Variants in CDPF1 observed in about 807,000 individuals in gnomAD.
The protein encoded by CDPF1 is cysteine-rich DPF motif domain-containing protein 1.
A neutral mutation model predicts 8.3 loss-of-function variants in CDPF1; 8 were observed. That is an observed-to-expected ratio of 0.96 (90% CI 0.57 to 1.74). The LOEUF is 1.74. Among genes scored for constraint, CDPF1 ranks in the 40% most tolerant of loss-of-function variants. CDPF1 has a pLI of 0.00. For synonymous variants in CDPF1, 62 were observed against 62.9 expected, an observed-to-expected ratio of 0.99 and a Z score of 0.07; for missense variants, 151 against 155.3, an observed-to-expected ratio of 0.97 and a Z score of 0.15.
Position 46,249,219 on chromosome 22 carries a change from T to C in CDPF1, c.1-935A>G, listed in dbSNP as rs1433074315. Reference sequence around the variant, plus strand: ...TGGAATCAAGTACGACATTATCAGCTGGCCCCTAGCTCTTGGCTGTGACCT... The same window carrying C: ...TGGAATCAAGTACGACATTATCAGCCGGCCCCTAGCTCTTGGCTGTGACCT... On this transcript the variant is annotated intron_variant, in intron 1 of 3. Coordinates refer to ENST00000314567, the MANE Select transcript of CDPF1 (RefSeq NM_207327.5). This position sits in a 1 kb window ranked among gnomAD's most constrained non-coding sequence, Gnocchi z 4.6. Among the ~76,000 whole-genome samples the C allele has an allele frequency of 6.6e-6, 1 of 152,184 alleles. No individual in the cohort carries two copies. Among genetic ancestry groups the C allele is most frequent in the Non-Finnish European group, 1.5e-5 (1 of 68,036 alleles).
chr22:46,244,720 G>A lies in CDPF1; in HGVS notation c.*372C>T. On this transcript the variant is annotated 3_prime_UTR_variant, in exon 4 of 4. Transcript: ENST00000314567. The surrounding 1 kb of genome is among the most constrained non-coding windows in gnomAD (Gnocchi z 6.7). ...TACAGTGCACCATGGCCCCGACACAGTGTGGCATCTCCCCCCACACGCACC... is the reference window on the plus strand; with the variant it reads ...TACAGTGCACCATGGCCCCGACACAATGTGGCATCTCCCCCCACACGCACC... 4.2e-6 allele frequency: 1 copy of A among 236,864 alleles called. No individual in the cohort carries two copies. Among genetic ancestry groups the A allele is most frequent in the South Asian group, 6.4e-5 (1 of 15,582 alleles). The allele number at this position is 236,864 out of a possible 1,614,324, so 14.7% of individuals were successfully genotyped here.
In CDPF1 at chr22:46,246,864, A is replaced by G; in HGVS notation, c.225+246T>C. The G allele has an allele frequency of 6.5e-7, 1 of 1,532,570 alleles. No individual in the cohort carries two copies. Among genetic ancestry groups the G allele is most frequent in the South Asian group, 1.2e-5 (1 of 81,754 alleles). 94.9% of individuals were successfully genotyped at this position (1,532,570 alleles called of 1,614,324 possible). ...TGTCTGCACTGTTGGTGGGAAGGGG[A>G]GGAACCCTGAGGGGCCACTGGGGTG... On this transcript the variant is annotated intron_variant, in intron 3 of 3. Transcript: ENST00000314567. This position sits in a 1 kb window ranked among gnomAD's most constrained non-coding sequence, Gnocchi z 7.1.
rs1467948423 is a variant in CDPF1 at position 46,249,301 on chromosome 22, C to A, written c.-1+955G>T. Among the ~76,000 whole-genome samples the A allele has an allele frequency of 1.3e-5, 2 of 152,192 alleles. No individual in the cohort carries two copies. Among genetic ancestry groups the A allele is most frequent in the East Asian group, 3.9e-4 (2 of 5,192 alleles). ...GGCGTATCAAATGCGATGGCTTTCC[C>A]CACTGGGTGTCCCCAGATGCAACTC... On this transcript the variant is annotated intron_variant, in intron 1 of 3. Coordinates refer to ENST00000314567, the MANE Select transcript of CDPF1 (RefSeq NM_207327.5). The surrounding 1 kb of genome is among the most constrained non-coding windows in gnomAD (Gnocchi z 4.6).
chr22:46,249,598 G>A lies in CDPF1; in HGVS notation c.-1+658C>T, dbSNP rs1029494188. Among the ~76,000 whole-genome samples, 12 of 152,090 alleles carry A rather than the reference G, an allele frequency of 7.9e-5. No homozygotes were observed. The highest frequency in any genetic ancestry group is 2.2e-4 in the African/African-American group (9 of 41,408). On this transcript the variant is annotated intron_variant, in intron 1 of 3. Transcript: ENST00000314567. This position sits in a 1 kb window ranked among gnomAD's most constrained non-coding sequence, Gnocchi z 4.6. The stretch of plus-strand genomic sequence containing the variant: ...TAGGAGGCGGAGATTGCAGTGAGCC[G>A]AGATTGTGCCACTGTACTCCAGCCT...
chr22:46,248,177 C>T lies in CDPF1; in HGVS notation c.108G>A (p.Ser36=), dbSNP rs200548847. 15 of 1,611,490 alleles carry T rather than the reference C, an allele frequency of 9.3e-6. No individual in the cohort carries two copies. The highest frequency in any genetic ancestry group is 4.0e-5 in the African/African-American group (3 of 74,884). The part of the protein sequence containing the change: ...YVGQKPPNTQ[S]MVLLEESYVM... The stretch of plus-strand genomic sequence containing the variant: ...CCCAAAAGGCATGCACTCACACCAT[C>T]GACTGGGTGTTGGGGGGCTTCTGTC... Residue 36 remains serine (S), a synonymous_variant, in exon 2 of 4, where the codon TCG becomes TCA. Coordinates refer to ENST00000314567, the MANE Select transcript of CDPF1 (RefSeq NM_207327.5). The surrounding 1 kb of genome is among the most constrained non-coding windows in gnomAD (Gnocchi z 4.1).
chr22:46,247,369 C>T lies in CDPF1; in HGVS notation c.114-148G>A, dbSNP rs1023137326. The T allele has an allele frequency of 9.6e-6, 6 of 625,412 alleles. No homozygotes were observed. Among genetic ancestry groups the T allele is most frequent in the Admixed American group, 2.5e-5 (1 of 40,454 alleles). 38.7% of individuals were successfully genotyped at this position (625,412 alleles called of 1,614,324 possible). On this transcript the variant is annotated intron_variant, in intron 2 of 3. Coordinates refer to ENST00000314567, the MANE Select transcript of CDPF1 (RefSeq NM_207327.5). The surrounding 1 kb of genome is among the most constrained non-coding windows in gnomAD (Gnocchi z 4.3). ...CATCAGGGCAGGGGACTAGGCCACC[C>T]GTGCTGCAGGGCAGTGACAGAAAGG...
In CDPF1 at chr22:46,247,931, C is replaced by G. The variant is rs1936516771; in HGVS notation, c.113+241G>C. ...CACCACAGGTCCCCCAGCTGCTGAG[C>G]TGCTCCCCCACAGCTAGAGCAGGTA... On this transcript the variant is annotated intron_variant, in intron 2 of 3. Coordinates refer to ENST00000314567, the MANE Select transcript of CDPF1 (RefSeq NM_207327.5). This position sits in a 1 kb window ranked among gnomAD's most constrained non-coding sequence, Gnocchi z 4.3. 6.6e-6 allele frequency among the ~76,000 whole-genome samples: 1 copy of G among 152,262 alleles called. No homozygotes were observed. Among genetic ancestry groups the G allele is most frequent in the Admixed American group, 6.5e-5 (1 of 15,292 alleles).
At position 46,247,336 on chromosome 22, in the gene CDPF1, C is replaced by T. The variant is rs190377664; in HGVS notation, c.114-115G>A. 3.7e-5 allele frequency: 27 copies of T among 720,430 alleles called. No individual in the cohort carries two copies. Among genetic ancestry groups the T allele is most frequent in the African/African-American group, 3.1e-4 (18 of 57,504 alleles). 44.6% of individuals were successfully genotyped at this position (720,430 alleles called of 1,614,324 possible). ...CACCTCTGCAGGGCCTGCATACCTGCGTGGGCTCATCAGGGCAGGGGACTA... is the reference window on the plus strand; with the variant it reads ...CACCTCTGCAGGGCCTGCATACCTGTGTGGGCTCATCAGGGCAGGGGACTA... On this transcript the variant is annotated intron_variant, in intron 2 of 3. Transcript: ENST00000314567. The surrounding 1 kb of genome is among the most constrained non-coding windows in gnomAD (Gnocchi z 4.3).
In CDPF1 at chr22:46,248,359, G is replaced by A. The variant is rs1239022792; in HGVS notation, c.1-75C>T. Reference sequence around the variant, plus strand: ...ATCCTGCCCCTTTCCCAGCTATGAAGACCCTAACCATATAGTCCTAGCACA... The same window carrying A: ...ATCCTGCCCCTTTCCCAGCTATGAAAACCCTAACCATATAGTCCTAGCACA... On this transcript the variant is annotated intron_variant, in intron 1 of 3. Coordinates refer to ENST00000314567, the MANE Select transcript of CDPF1 (RefSeq NM_207327.5). The surrounding 1 kb of genome is among the most constrained non-coding windows in gnomAD (Gnocchi z 4.1). The A allele has an allele frequency of 2.2e-6, 2 of 908,780 alleles. No homozygotes were observed. The highest frequency in any genetic ancestry group is 3.9e-5 in the Admixed American group (2 of 51,326). The allele number at this position is 908,780 out of a possible 1,614,324, so 56.3% of individuals were successfully genotyped here. A position where few individuals can be genotyped will look rare whatever the true frequency, so the allele number is the denominator to read the frequency against.
rs1271635916 is a variant in CDPF1 at position 46,246,671 on chromosome 22, A to G, written c.225+439T>C. 1 of 1,569,502 alleles carries G rather than the reference A, an allele frequency of 6.4e-7. No homozygotes were observed. The highest frequency in any genetic ancestry group is 1.9e-5 in the Admixed American group (1 of 53,450). ...AATGGGTGGAATATAATACTGCTTT[A>G]CCTGACTAAGGGGCAGGACTGAATG... On this transcript the variant is annotated intron_variant, in intron 3 of 3. Coordinates refer to ENST00000314567, the MANE Select transcript of CDPF1 (RefSeq NM_207327.5). The surrounding 1 kb of genome is among the most constrained non-coding windows in gnomAD (Gnocchi z 7.1).
Position 46,248,107 on chromosome 22 carries a change from C to T in CDPF1, c.113+65G>A, listed in dbSNP as rs974122590. 3 of 1,164,142 alleles carry T rather than the reference C, an allele frequency of 2.6e-6. No homozygotes were observed. Among genetic ancestry groups the T allele is most frequent in the Non-Finnish European group, 3.8e-6 (3 of 792,456 alleles). 72.1% of individuals were successfully genotyped at this position (1,164,142 alleles called of 1,614,324 possible). A position where few individuals can be genotyped will look rare whatever the true frequency, so the allele number is the denominator to read the frequency against. On this transcript the variant is annotated intron_variant, in intron 2 of 3. Transcript: ENST00000314567. The surrounding 1 kb of genome is among the most constrained non-coding windows in gnomAD (Gnocchi z 4.1). ...CTGAGACAGTTGTCAGACCTAGGCA[C>T]ACCACCCACCAACCAGCACTGGGCA...
In CDPF1 at chr22:46,244,408, A is replaced by G. The variant is rs776685886; in HGVS notation, c.*684T>C. ...AGAGTCTGAGGGAACTGGAGAGGCT[A>G]GAAGCCAGCACTCAGCTTCCCAGGA... On this transcript the variant is annotated 3_prime_UTR_variant, in exon 4 of 4. Transcript: ENST00000314567. This position sits in a 1 kb window ranked among gnomAD's most constrained non-coding sequence, Gnocchi z 6.7. 1 of 152,226 alleles carries G rather than the reference A, an allele frequency of 6.6e-6. No individual in the cohort carries two copies. The highest frequency in any genetic ancestry group is 1.9e-4 in the East Asian group (1 of 5,194). The allele number at this position is 152,226 out of a possible 1,614,324, so 9.4% of individuals were successfully genotyped here. A position where few individuals can be genotyped will look rare whatever the true frequency, so the allele number is the denominator to read the frequency against.
At position 46,248,415 on chromosome 22, in the gene CDPF1, C is replaced by G. The variant is rs1189911875; in HGVS notation, c.1-131G>C. The G allele has an allele frequency of 1.7e-6, 1 of 589,702 alleles. No individual in the cohort carries two copies. The allele number at this position is 589,702 out of a possible 1,614,324, so 36.5% of individuals were successfully genotyped here. On this transcript the variant is annotated intron_variant, in intron 1 of 3. Coordinates refer to ENST00000314567, the MANE Select transcript of CDPF1 (RefSeq NM_207327.5). The surrounding 1 kb of genome is among the most constrained non-coding windows in gnomAD (Gnocchi z 4.1). ...TTGCCTCCCTACCGTACCCTTTTCTCTATCCCCAGCTGAAACAGGTTTTCA... is the reference window on the plus strand; with the variant it reads ...TTGCCTCCCTACCGTACCCTTTTCTGTATCCCCAGCTGAAACAGGTTTTCA...
At position 46,246,697 on chromosome 22, in the gene CDPF1, A is replaced by G. The variant is rs1936494764; in HGVS notation, c.225+413T>C. On this transcript the variant is annotated intron_variant, in intron 3 of 3. Coordinates refer to ENST00000314567, the MANE Select transcript of CDPF1 (RefSeq NM_207327.5). This position sits in a 1 kb window ranked among gnomAD's most constrained non-coding sequence, Gnocchi z 7.1. Reference sequence around the variant, plus strand: ...CCTGACTAAGGGGCAGGACTGAATGAAGCCTCAGCAGTAAAACAGGTCCCA... The same window carrying G: ...CCTGACTAAGGGGCAGGACTGAATGGAGCCTCAGCAGTAAAACAGGTCCCA... The G allele has an allele frequency of 6.3e-7, 1 of 1,590,974 alleles. No individual in the cohort carries two copies. The highest frequency in any genetic ancestry group is 1.3e-5 in the African/African-American group (1 of 74,390).
rs1936487194 is a variant in CDPF1 at position 46,246,213 on chromosome 22, C to G, written c.225+897G>C. Among the ~76,000 whole-genome samples, 2 of 152,210 alleles carry G rather than the reference C, an allele frequency of 1.3e-5. No homozygotes were observed. The highest frequency in any genetic ancestry group is 4.1e-4 in the South Asian group (2 of 4,830). ...CAACCTACTGTTTAAACAAAGAAAG[C>G]TGCAGACTTGTGGTACCTGCGTGCG... On this transcript the variant is annotated intron_variant, in intron 3 of 3. Coordinates refer to ENST00000314567, the MANE Select transcript of CDPF1 (RefSeq NM_207327.5). The surrounding 1 kb of genome is among the most constrained non-coding windows in gnomAD (Gnocchi z 7.1).
Position 46,247,243 on chromosome 22 carries a change from G to T in CDPF1, c.114-22C>A, listed in dbSNP as rs369413728. 111 of 1,517,756 alleles carry T rather than the reference G, an allele frequency of 7.3e-5. No individual in the cohort carries two copies. The highest frequency in any genetic ancestry group is 9.5e-5 in the Non-Finnish European group (104 of 1,095,650). 94.0% of individuals were successfully genotyped at this position (1,517,756 alleles called of 1,614,324 possible). ...GAGGCTGCAGGAGAGTGAATGCAGC[G>T]TCAGAACAGCCCAAATCTCTGCCGT... On this transcript the variant is annotated intron_variant, in intron 2 of 3. Transcript: ENST00000314567. This position sits in a 1 kb window ranked among gnomAD's most constrained non-coding sequence, Gnocchi z 4.3.
Position 46,247,348 on chromosome 22 carries a change from A to C in CDPF1, c.114-127T>G. On this transcript the variant is annotated intron_variant, in intron 2 of 3. Transcript: ENST00000314567. This position sits in a 1 kb window ranked among gnomAD's most constrained non-coding sequence, Gnocchi z 4.3. The stretch of plus-strand genomic sequence containing the variant: ...GCCTGCATACCTGCGTGGGCTCATC[A>C]GGGCAGGGGACTAGGCCACCCGTGC... 1 of 673,250 alleles carries C rather than the reference A, an allele frequency of 1.5e-6. No individual in the cohort carries two copies. The highest frequency in any genetic ancestry group is 2.7e-6 in the Non-Finnish European group (1 of 369,986). 41.7% of individuals were successfully genotyped at this position (673,250 alleles called of 1,614,324 possible).
In CDPF1 at chr22:46,249,962, GTGAA is replaced by G. The variant is rs1306469282; in HGVS notation, c.-1+290_-1+293del. Among the ~76,000 whole-genome samples, 1 of 152,244 alleles carries G rather than the reference GTGAA, an allele frequency of 6.6e-6. No homozygotes were observed. The highest frequency in any genetic ancestry group is 1.5e-5 in the Non-Finnish European group (1 of 68,042). Reference sequence around the variant, plus strand: ...GCCGAGGCTCCTGGGGGCGGTGCCTGTGAACAGGGACGGCTGAGAGGGTCCGGGG... The same window carrying G: ...GCCGAGGCTCCTGGGGGCGGTGCCTGCAGGGACGGCTGAGAGGGTCCGGGG... On this transcript the variant is annotated intron_variant, in intron 1 of 3. Transcript: ENST00000314567. This position sits in a 1 kb window ranked among gnomAD's most constrained non-coding sequence, Gnocchi z 4.6.
rs7291763 is a variant in CDPF1, at chr22:46,250,265, C to A, written c.-10G>T. 0.072 allele frequency: 11,052 copies of A among 152,500 alleles called. 545 individuals carry two copies. Among genetic ancestry groups the A allele is most frequent in the African/African-American group, 0.14 (5,857 of 41,550 alleles). The allele number at this position is 152,500 out of a possible 1,614,324, so 9.4% of individuals were successfully genotyped here. On this transcript the variant is annotated 5_prime_UTR_variant, in exon 1 of 4. Coordinates refer to ENST00000314567, the MANE Select transcript of CDPF1 (RefSeq NM_207327.5). Reference sequence around the variant, plus strand: ...GCCACCTCGAACTCACCGCCGCCCTCGTCCCACGGCTCCGCGTCCAAGGCG... The same window carrying A: ...GCCACCTCGAACTCACCGCCGCCCTAGTCCCACGGCTCCGCGTCCAAGGCG...
Sources: allele counts gnomAD v4.1 joint callset (sites outside exome capture counted in the v4.1 genomes callset), GRCh38; gene constraint gnomAD v4.1.1; non-coding constraint Gnocchi (gnomAD v3.1); transcripts MANE v1.5; gene names NCBI Gene and HGNC (gene_info 2026-07-23, HGNC 2026-07-21).